FILIP1: variants seen among roughly 807,000 people sequenced by gnomAD.
FILIP1 encodes filamin-A-interacting protein 1.
FILIP1 carries 61 observed loss-of-function variants against 102.1 expected under a neutral mutation model. The observed-to-expected ratio is 0.60, with a 90% CI of 0.49 to 0.74. FILIP1 has a LOEUF of 0.74. Ranked by LOEUF, FILIP1 falls within the 30% of genes least tolerant of loss-of-function variation. The probability of loss-of-function intolerance (pLI) is 0.00; values close to 1 mark genes in which losing one functional copy is unlikely to be tolerated. For missense variants in FILIP1, 1,314 were observed against 1,441.2 expected, an observed-to-expected ratio of 0.91 and a Z score of 1.43; for synonymous variants, 491 against 526.9, an observed-to-expected ratio of 0.93 and a Z score of 0.93.
intron 1 of FILIP1, among the ~76,000 whole-genome samples, chr6:75,471,072 A>G (rs1009651463): frequency 6.7e-6 from 1 of 148,708 alleles, no homozygotes; most frequent in South Asian, 2.2e-4. Flanking sequence ...AGGTGGAAGG[A>G]TCTCTTGAAC....
At chr6:75,390,526 G>A (rs773246623) in intron 2 of FILIP1, among the ~76,000 whole-genome samples, 33 of 152,232 alleles carry the variant, frequency 2.2e-4, no homozygotes, top group Non-Finnish European at 3.8e-4. Flanking sequence ...GAGGGAGCAG[G>A]CATGTCACAT....
chr6:75,392,318 C>A (rs1776302479), intron 2 of FILIP1, among the ~76,000 whole-genome samples: 1 of 152,142 alleles, frequency 6.6e-6, no homozygotes, highest in African/African-American at 2.4e-5. Flanking sequence ...TCCCAGACCT[C>A]TTCCCTGAAC....
rs1400131674 is a variant in FILIP1, at chr6:75,417,205, A to T, written c.-6-2227T>A. On this transcript the variant is annotated intron_variant, in intron 1 of 5. Coordinates refer to ENST00000237172, the MANE Select transcript of FILIP1 (RefSeq NM_015687.5). ...GACCCATGAGGTTAATTTTGTCTTAACAAATATTTTTCTTTTCTGATATTG... is the reference window on the plus strand; with the variant it reads ...GACCCATGAGGTTAATTTTGTCTTATCAAATATTTTTCTTTTCTGATATTG... Among the ~76,000 whole-genome samples the T allele has an allele frequency of 2.0e-4, 31 of 152,154 alleles. 1 individual carries two copies. The highest frequency in any genetic ancestry group is 2.0e-3 in the Admixed American group (31 of 15,254).
At chr6:75,460,498 A>G (rs1778989101) in intron 1 of FILIP1, among the ~76,000 whole-genome samples, 1 of 152,216 alleles carries the variant, frequency 6.6e-6, no homozygotes, top group Non-Finnish European at 1.5e-5. Context: ...AATATTAGAT[A>G]TTGAATCATT....
Position 75,312,455 on chromosome 6 carries a change from G to C in FILIP1, c.3377C>G (p.Thr1126Arg). 2 of 1,614,112 alleles carry C rather than the reference G, an allele frequency of 1.2e-6. No homozygotes were observed. Among genetic ancestry groups the C allele is most frequent in the Non-Finnish European group, 1.7e-6 (2 of 1,180,034 alleles). Residue 1126 changes from threonine (T) to arginine (R), a missense_variant, in exon 5 of 6, where the codon ACG becomes AGG. This residue lies in a region of FILIP1 where 816 missense variants were observed against 913.1 expected (regional missense o/e 0.89). Transcript: ENST00000237172. ...LSSRPGASKV[T>R]STITITPVTT... ...GACCGGTGTTATGGTGATAGTGCTC[G>C]TCACTTTGCTTGCACCAGGCCGTGA...
intron 2 of FILIP1, among the ~76,000 whole-genome samples, chr6:75,397,019 G>A (rs907407712): frequency 8.5e-6 from 1 of 116,974 alleles, no homozygotes; most frequent in African/African-American, 3.2e-5. Flanking sequence ...CTATTGTGGG[G>A]TGGGGGGAGG....
intron 4 of FILIP1, among the ~76,000 whole-genome samples, chr6:75,340,604 T>C (rs1224287043): frequency 1.3e-5 from 2 of 152,220 alleles, no homozygotes; most frequent in African/African-American, 2.4e-5. Context: ...TTATGAACTG[T>C]AGCTTTAAAA....
At chr6:75,295,779 A>G (rs1582298044) in exon 7 of FILIP1, 2 of 519,980 alleles carry the variant, frequency 3.8e-6, no homozygotes, top group East Asian at 7.1e-5. Flanking sequence ...TTAAAAAAAA[A>G]TCACTGGAAG....
intron 4 of FILIP1, among the ~76,000 whole-genome samples, chr6:75,324,995 A>G (rs1773790633): frequency 6.6e-6 from 1 of 152,236 alleles, no homozygotes; most frequent in South Asian, 2.1e-4. Flanking sequence ...AGAAGATAAC[A>G]TTGGAAAAAC....
chr6:75,293,877 C>A (rs933253482), exon 7 of FILIP1: 2 of 152,074 alleles, frequency 1.3e-5, no homozygotes, highest in Non-Finnish European at 2.9e-5. Context: ...AAACACTTTT[C>A]TAATTGAAAA....
chr6:75,392,125 A>T (rs896792684), intron 2 of FILIP1, among the ~76,000 whole-genome samples: 4 of 152,016 alleles, frequency 2.6e-5, no homozygotes, highest in Non-Finnish European at 5.9e-5. Flanking sequence ...CAAACTGTTC[A>T]TTCTCATTCT....
At chr6:75,434,510 G>T (rs1777947518) in intron 1 of FILIP1, among the ~76,000 whole-genome samples, 1 of 152,184 alleles carries the variant, frequency 6.6e-6, no homozygotes, top group Non-Finnish European at 1.5e-5. Flanking sequence ...TGGTGTAAAG[G>T]AATGCTTGTG....
chr6:75,389,333 C>CT (rs1280109678), intron 2 of FILIP1, among the ~76,000 whole-genome samples: 1 of 152,084 alleles, frequency 6.6e-6, no homozygotes, highest in Non-Finnish European at 1.5e-5. Flanking sequence ...CTGAAATGTT[C>CT]TTTTTCTGTT....
rs145173728 is a variant in FILIP1, at chr6:75,335,453, C to G, written c.629+18086G>C. Among the ~76,000 whole-genome samples, 557 of 152,092 alleles carry G rather than the reference C, an allele frequency of 3.7e-3. 1 individual carries two copies. Among genetic ancestry groups the G allele is most frequent in the African/African-American group, 0.013 (533 of 41,488 alleles). On this transcript the variant is annotated intron_variant, in intron 4 of 5. Transcript: ENST00000237172. ...TATCATCTTCAAATTAGTTGTCCCT[C>G]TTCTCTGTTTTTTCTTTTCTTTTTT...
intron 6 of FILIP1, among the ~76,000 whole-genome samples, chr6:75,301,011 AAATT>A (rs1772822772): frequency 6.6e-6 from 1 of 152,202 alleles, no homozygotes; most frequent in African/African-American, 2.4e-5. Flanking sequence ...CTATAAATAA[AAATT>A]AAGTAATGGA....
At chr6:75,413,473 C>T (rs1223498841) in intron 2 of FILIP1, among the ~76,000 whole-genome samples, 2 of 152,172 alleles carry the variant, frequency 1.3e-5, no homozygotes, top group African/African-American at 4.8e-5. Flanking sequence ...TAAGCTCAAT[C>T]ATGTTTGTTT....
chr6:75,417,379 A>G (rs965809070), intron 1 of FILIP1, among the ~76,000 whole-genome samples: 1 of 152,238 alleles, frequency 6.6e-6, no homozygotes, highest in Admixed American at 6.5e-5. Context: ...GTACTCAGCA[A>G]TAACAAATGA....
At chr6:75,403,101 A>G (rs1776710760) in intron 2 of FILIP1, among the ~76,000 whole-genome samples, 1 of 152,154 alleles carries the variant, frequency 6.6e-6, no homozygotes, top group African/African-American at 2.4e-5. Context: ...ATTAAGTGCT[A>G]TGGTTCATTT....
intron 2 of FILIP1, among the ~76,000 whole-genome samples, chr6:75,380,652 T>C (rs1023679377): frequency 6.6e-6 from 1 of 152,146 alleles, no homozygotes; most frequent in Non-Finnish European, 1.5e-5. Flanking sequence ...TATGACGTTA[T>C]GTTTAATAGT....
Sources: gnomAD v4.1 joint callset for allele counts (sites outside exome capture counted in the v4.1 genomes callset) on GRCh38, gnomAD v4.1.1 for gene constraint, gnomAD v4.1.1 regional missense constraint, MANE v1.5 for transcripts, NCBI Gene and HGNC (gene_info 2026-07-23, HGNC 2026-07-21) for gene names.